The following LARP1B variants were observed in gnomAD, a reference collection of about 807,000 sequenced individuals.
LARP1B encodes the protein La ribonucleoprotein 1B.
A neutral mutation model predicts 114.2 loss-of-function variants in LARP1B; 76 were observed. That is an observed-to-expected ratio of 0.67 (90% CI 0.55 to 0.81). The LOEUF (loss-of-function observed/expected upper bound fraction) is 0.81, where lower values mean the gene tolerates loss of function less well. LARP1B is among the 30% of genes least tolerant of loss of function. The probability of loss-of-function intolerance (pLI) is 0.00; values close to 1 mark genes in which losing one functional copy is unlikely to be tolerated. For missense variants in LARP1B, 1,014 were observed against 1,075.8 expected (o/e 0.94, Z 0.80); for synonymous variants, 345 against 348.0 (o/e 0.99, Z 0.10).
intron 13 of LARP1B, 71 bp downstream of exon 13, chr4:128,176,978 A>G (rs1746515207): frequency 2.0e-5 from 26 of 1,322,220 alleles, no homozygotes; most frequent in Non-Finnish European, 2.5e-5. Context: ...AGATGCAGGA[A>G]AGGGACTTTC....
chr4:128,114,833 T>G, intron 10 of LARP1B, 91 bp downstream of exon 10: 2 of 1,179,462 alleles, frequency 1.7e-6, no homozygotes, highest in Non-Finnish European at 2.4e-6. Flanking sequence ...ATATGTAAAA[T>G]TTGGAAAAGT....
intron 3 of LARP1B, among the ~76,000 whole-genome samples, 191 bp downstream of exon 3, chr4:128,075,184 C>A (rs569043098): frequency 4.6e-5 from 7 of 151,998 alleles, no homozygotes; most frequent in Admixed American, 4.6e-4. Context: ...TCATTGTAGC[C>A]TCAAACTGCT....
chr4:128,102,407 C>T (rs1780620036), intron 8 of LARP1B, among the ~76,000 whole-genome samples: 1 of 152,180 alleles, frequency 6.6e-6, no homozygotes. Context: ...TAAGCATTTG[C>T]TATTATTGTT....
chr4:128,069,847 A>G (rs568884575), intron 1 of LARP1B, among the ~76,000 whole-genome samples: 62 of 151,730 alleles, frequency 4.1e-4, no homozygotes, highest in South Asian at 1.9e-3. Context: ...TTCATCATCA[A>G]CCTCTTTTCT....
At chr4:128,221,135 A>T (rs1366310635) in intron 7 of LARP1B, among the ~76,000 whole-genome samples, 2 of 152,186 alleles carry the variant, frequency 1.3e-5, no homozygotes, top group African/African-American at 4.8e-5. Flanking sequence ...AGTATTTAAA[A>T]ACATAAATTA....
At chr4:128,112,466 A>ATTTTTTTT (rs1174266918) in intron 9 of LARP1B, among the ~76,000 whole-genome samples, 52 of 69,306 alleles carry the variant, frequency 7.5e-4, no homozygotes, top group Non-Finnish European at 9.1e-4. Flanking sequence ...TGCTTACTCT[A>ATTTTTTTT]TTTTTTTTTT....
At chr4:128,138,114 T>C (rs1005518216) in intron 11 of LARP1B, among the ~76,000 whole-genome samples, 1 of 151,950 alleles carries the variant, frequency 6.6e-6, no homozygotes, top group African/African-American at 2.4e-5. Context: ...CCATAAAAAA[T>C]ATGGAAGGAA....
intron 12 of LARP1B, among the ~76,000 whole-genome samples, chr4:128,174,197 T>C (rs1472638818): frequency 6.6e-6 from 1 of 152,142 alleles, no homozygotes; most frequent in Non-Finnish European, 1.5e-5. Context: ...TTGGCTATTA[T>C]GAAAAATGCT....
intron 13 of LARP1B, 38 bp from the exon 14 acceptor site, chr4:128,178,393 T>C (rs745689696): frequency 3.0e-5 from 43 of 1,412,438 alleles, no homozygotes; most frequent in Non-Finnish European, 3.9e-5. Context: ...AATATTTTCC[T>C]AGCATCTAAA....
At position 128,107,157 on chromosome 4, in the gene LARP1B, G is replaced by T. The variant is rs200837138; in HGVS notation, c.832G>T (p.Glu278Ter). 6.2e-7 allele frequency: 1 copy of T among 1,614,020 alleles called. No homozygotes were observed. Among genetic ancestry groups the T allele is most frequent in the East Asian group, 2.2e-5 (1 of 44,868 alleles). Residue 278 changes from glutamate (E) to a stop codon, truncating the protein, a stop_gained, in exon 9 of 20, where the codon GAA (glutamate) becomes TAA (stop). Coordinates refer to ENST00000326639, the MANE Select transcript of LARP1B (RefSeq NM_018078.4). LOFTEE classifies it high-confidence loss of function. ...TTAATAGGCACTGAAGGATAGCACA[G>T]AAGTAGAAATTGTGGATGAGAAAAT... ...LILEALKDST[E>*]VEIVDEKMRK...
chr4:128,116,093 T>C (rs1785713121), intron 10 of LARP1B, among the ~76,000 whole-genome samples: 1 of 152,202 alleles, frequency 6.6e-6, no homozygotes, highest in Non-Finnish European at 1.5e-5. Flanking sequence ...AATTGAATTT[T>C]TGGTGGAGGG....
At chr4:128,085,498 TATG>T (rs1396576605) in intron 5 of LARP1B, among the ~76,000 whole-genome samples, 1 of 151,782 alleles carries the variant, frequency 6.6e-6, no homozygotes, top group African/African-American at 2.4e-5. Context: ...CCCAAGTAGC[TATG>T]ATGACAGGTG....
intron 9 of LARP1B, among the ~76,000 whole-genome samples, chr4:128,109,351 G>A (rs1344899623): frequency 6.6e-6 from 1 of 152,092 alleles, no homozygotes; most frequent in African/African-American, 2.4e-5. Context: ...AACTCTTTAT[G>A]ATTTCTGAGG....
intron 7 of LARP1B, among the ~76,000 whole-genome samples, chr4:128,097,388 A>G (rs893415762): frequency 2.0e-5 from 3 of 151,532 alleles, no homozygotes; most frequent in African/African-American, 4.9e-5. Context: ...GCTCACTGCA[A>G]TGTTTGCTGC....
chr4:128,173,932 C>T (rs1331988396), intron 12 of LARP1B, among the ~76,000 whole-genome samples: 3 of 152,158 alleles, frequency 2.0e-5, no homozygotes, highest in African/African-American at 7.2e-5. Flanking sequence ...CCAACATTCC[C>T]CTTCAGCCTG....
At chr4:128,180,932 T>G (rs1202647693) in intron 15 of LARP1B, among the ~76,000 whole-genome samples, 1 of 152,228 alleles carries the variant, frequency 6.6e-6, no homozygotes, top group Non-Finnish European at 1.5e-5. Context: ...TGTCTGATAT[T>G]TATATAATTA....
At position 128,210,918 on chromosome 4, in the gene LARP1B, C is replaced by G; in HGVS notation, c.*865C>G. 1.0e-6 allele frequency: 1 copy of G among 966,292 alleles called. No individual in the cohort carries two copies. The highest frequency in any genetic ancestry group is 1.2e-6 in the Non-Finnish European group (1 of 812,458). The allele number at this position is 966,292 out of a possible 1,614,324, so 59.9% of individuals were successfully genotyped here. ...GTTTTGAATGCATCTGCTATTTATA[C>G]ATCTGCAAGTGGGTATGTCATAAGG... On this transcript the variant is annotated 3_prime_UTR_variant, in exon 20 of 20. Transcript: ENST00000326639.
At chr4:128,165,626 G>A (rs1740470621) in intron 12 of LARP1B, among the ~76,000 whole-genome samples, 1 of 152,052 alleles carries the variant, frequency 6.6e-6, no homozygotes, top group Non-Finnish European at 1.5e-5. Flanking sequence ...ACTGTCTTCA[G>A]TATCTATATT....
At chr4:128,139,804 A>G (rs1727151907) in intron 11 of LARP1B, among the ~76,000 whole-genome samples, 1 of 152,234 alleles carries the variant, frequency 6.6e-6, no homozygotes, top group Non-Finnish European at 1.5e-5. Flanking sequence ...GAAATAGTTC[A>G]TAAAACTTAT....
Sources: allele counts gnomAD v4.1 joint callset (sites outside exome capture counted in the v4.1 genomes callset), GRCh38; gene constraint gnomAD v4.1.1; transcripts MANE v1.5; gene names NCBI Gene and HGNC (gene_info 2026-07-23, HGNC 2026-07-21).